Variants in MMP20 observed in about 807,000 individuals in gnomAD.
MMP20 encodes the protein matrix metallopeptidase 20, also known as matrix metalloproteinase-20.
In MMP20, 50 loss-of-function variants were observed where a neutral mutation model predicts 51.8. That is an observed-to-expected ratio of 0.97 (90% CI 0.77 to 1.22). MMP20 has a LOEUF of 1.22. MMP20 is among the 50% of genes most tolerant of loss of function. The pLI, the probability that MMP20 is intolerant of heterozygous loss-of-function variation, is 0.00. For synonymous variants in MMP20, 244 were observed against 216.2 expected (o/e 1.13, Z -1.13); for missense variants, 663 against 601.4 (o/e 1.10, Z -1.07).
At chr11:102,587,021 A>G (rs1859262335) in intron 8 of MMP20, among the ~76,000 whole-genome samples, 3 of 152,004 alleles carry the variant, frequency 2.0e-5, no homozygotes, top group Admixed American at 6.6e-5. Flanking sequence ...ATTTTCCATT[A>G]TCTCAAAGTG....
intron 6 of MMP20, among the ~76,000 whole-genome samples, chr11:102,603,414 G>T (rs756022294): frequency 6.6e-6 from 1 of 152,132 alleles, no homozygotes; most frequent in African/African-American, 2.4e-5. Context: ...TAGGAGGCAG[G>T]GTAGTTAGGG....
intron 6 of MMP20, among the ~76,000 whole-genome samples, chr11:102,601,054 T>A (rs1490014474): frequency 6.6e-6 from 1 of 151,768 alleles, no homozygotes; most frequent in African/African-American, 2.4e-5. Context: ...ATGGATTAAA[T>A]GAGTGAATAT....
At chr11:102,585,563 A>G (rs537315525) in intron 8 of MMP20, among the ~76,000 whole-genome samples, 1 of 152,272 alleles carries the variant, frequency 6.6e-6, no homozygotes, top group Non-Finnish European at 1.5e-5. Flanking sequence ...AAATAGTTTT[A>G]CTTTCTCTCC....
chr11:102,605,899 A>T (rs1784426), intron 6 of MMP20, among the ~76,000 whole-genome samples: 62,511 of 151,890 alleles, frequency 0.41, 13,258 homozygotes, highest in South Asian at 0.59. Context: ...CTCCCCAAGA[A>T]ACCAGAGTTG....
At chr11:102,595,426 A>G (rs960134258) in intron 6 of MMP20, among the ~76,000 whole-genome samples, 1 of 152,250 alleles carries the variant, frequency 6.6e-6, no homozygotes, top group Non-Finnish European at 1.5e-5. Flanking sequence ...CATTCCAAAT[A>G]TCACTTGATA....
At chr11:102,605,846 A>G (rs1054380668) in intron 6 of MMP20, among the ~76,000 whole-genome samples, 1 of 152,188 alleles carries the variant, frequency 6.6e-6, no homozygotes, top group Non-Finnish European at 1.5e-5. Context: ...CTCCATGGAA[A>G]GAAGTATTTG....
intron 2 of MMP20, among the ~76,000 whole-genome samples, chr11:102,614,992 T>C (rs1324793196): frequency 6.6e-6 from 1 of 150,986 alleles, no homozygotes; most frequent in Non-Finnish European, 1.5e-5. Context: ...TAAAATGTAG[T>C]GAAATAAGAG....
chr11:102,608,980 G>T lies in MMP20; in HGVS notation c.768C>A (p.Phe256Leu). Residue 256 changes from phenylalanine (F) to leucine (L), a missense_variant, in exon 5 of 10, where the codon TTC (phenylalanine) becomes TTA (leucine). Physicochemically the swap from Phe to Leu is conservative, Grantham distance 22. Coordinates refer to ENST00000260228, the MANE Select transcript of MMP20 (RefSeq NM_004771.4). ...PTYKYKNPYG[F>L]HLPKDDVKGI... is the part of the protein sequence containing the mutation. The stretch of plus-strand genomic sequence containing the variant: ...CTTTCACATCATCTTTGGGGAGGTG[G>T]AATCCATAGGGATTCTTGTACTTAT... 6.2e-7 allele frequency: 1 copy of T among 1,614,096 alleles called. No individual in the cohort carries two copies. Among genetic ancestry groups the T allele is most frequent in the Non-Finnish European group, 8.5e-7 (1 of 1,179,964 alleles).
At chr11:102,614,387 T>A (rs76514434) in intron 2 of MMP20, among the ~76,000 whole-genome samples, 3,819 of 152,188 alleles carry the variant, frequency 0.025, 161 homozygotes, top group African/African-American at 0.086. Flanking sequence ...GGATAGGCAA[T>A]GTGTGTGTTG....
intron 6 of MMP20, among the ~76,000 whole-genome samples, chr11:102,601,750 C>T (rs1859448586): frequency 6.6e-6 from 1 of 152,164 alleles, no homozygotes. Flanking sequence ...CTGAATTTTT[C>T]TAAGTGAACA....
intron 2 of MMP20, 104 bp downstream of exon 2, chr11:102,616,708 G>A: frequency 6.9e-7 from 1 of 1,457,558 alleles, no homozygotes; most frequent in Non-Finnish European, 9.5e-7. Flanking sequence ...GTTGTGAGGT[G>A]TCAGGATTTT....
intron 9 of MMP20, among the ~76,000 whole-genome samples, 184 bp downstream of exon 9, chr11:102,578,855 A>G (rs757622663): frequency 6.6e-6 from 1 of 152,238 alleles, no homozygotes; most frequent in African/African-American, 2.4e-5. Context: ...GAACTAAAAT[A>G]CCAGAACTTT....
At chr11:102,581,379 C>T (rs896095845) in intron 8 of MMP20, among the ~76,000 whole-genome samples, 2 of 151,884 alleles carry the variant, frequency 1.3e-5, no homozygotes, top group African/African-American at 2.4e-5. Context: ...ATAATATTTG[C>T]GGTGGTAGGC....
chr11:102,595,411 C>A (rs1390109055), intron 6 of MMP20, among the ~76,000 whole-genome samples: 2 of 152,006 alleles, frequency 1.3e-5, no homozygotes, highest in Non-Finnish European at 2.9e-5. Context: ...AGCTATGCAC[C>A]CCCCCATTCC....
chr11:102,581,162 A>T (rs1292663968), intron 8 of MMP20, among the ~76,000 whole-genome samples: 1 of 142,614 alleles, frequency 7.0e-6, no homozygotes, highest in Non-Finnish European at 1.6e-5. Context: ...ACACACACAC[A>T]TGCACACGCA....
At chr11:102,593,411 T>C in intron 8 of MMP20, 28 bp downstream of exon 8, 2 of 1,602,462 alleles carry the variant, frequency 1.2e-6, no homozygotes, top group Non-Finnish European at 8.5e-7. Flanking sequence ...TAAATAAAGA[T>C]AGATAGTAAA....
At chr11:102,601,751 T>G (rs1426296744) in intron 6 of MMP20, among the ~76,000 whole-genome samples, 1 of 152,218 alleles carries the variant, frequency 6.6e-6, no homozygotes, top group Non-Finnish European at 1.5e-5. Context: ...TGAATTTTTC[T>G]AAGTGAACAA....
At chr11:102,624,433 T>C (rs1287169833) in intron 1 of MMP20, among the ~76,000 whole-genome samples, 1 of 85,590 alleles carries the variant, frequency 1.2e-5, no homozygotes, top group Non-Finnish European at 2.7e-5. Flanking sequence ...TATATATATA[T>C]ATATATATAT....
chr11:102,595,739 T>C (rs1859373622), intron 6 of MMP20, among the ~76,000 whole-genome samples: 1 of 152,232 alleles, frequency 6.6e-6, no homozygotes, highest in African/African-American at 2.4e-5. Flanking sequence ...AATATTATAG[T>C]CATAAAATTG....
Sources: allele counts gnomAD v4.1 joint callset (sites outside exome capture counted in the v4.1 genomes callset), GRCh38; gene constraint gnomAD v4.1.1; transcripts MANE v1.5; gene names NCBI Gene and HGNC (gene_info 2026-07-23, HGNC 2026-07-21).